The following NXPE4 variants were observed in gnomAD, a reference collection of about 807,000 sequenced individuals.
NXPE4 encodes NXPE family member 4.
Under a neutral mutation model 33.3 loss-of-function variants are expected in NXPE4, and 42 were observed. The ratio of observed to expected loss-of-function variants is 1.26; its 90% CI spans 0.98 to 1.63. The LOEUF is 1.63. Ranked by LOEUF, NXPE4 falls within the 40% of genes most tolerant of loss-of-function variation. The probability of loss-of-function intolerance (pLI) is 0.00; values close to 1 mark genes in which losing one functional copy is unlikely to be tolerated. For synonymous variants in NXPE4, 253 were observed against 234.9 expected (o/e 1.08, Z -0.71); for missense variants, 709 against 647.6 (o/e 1.09, Z -1.03).
the NXPE4 span, among the ~76,000 whole-genome samples, chr11:114,677,260 C>T: frequency 2.0e-5 from 3 of 151,998 alleles, no homozygotes; most frequent in Non-Finnish European, 4.4e-5. Context: ...TGCAAAGAGA[C>T]TAGATCTTAA....
At chr11:114,591,918 C>T (rs1045374316) in intron 2 of NXPE4, among the ~76,000 whole-genome samples, 4 of 152,132 alleles carry the variant, frequency 2.6e-5, no homozygotes, top group Non-Finnish European at 4.4e-5. Context: ...GGCCCCTTCT[C>T]ATTCAACAAA....
chr11:114,579,511 A>G (rs1182102777), intron 5 of NXPE4, among the ~76,000 whole-genome samples: 1 of 152,212 alleles, frequency 6.6e-6, no homozygotes, highest in Non-Finnish European at 1.5e-5. Context: ...CCCATGCTTT[A>G]CTTGTGTCTA....
chr11:114,583,132 CTTA>C, intron 2 of NXPE4, 111 bp from the exon 3 acceptor site: 1 of 1,212,228 alleles, frequency 8.2e-7, no homozygotes, highest in Non-Finnish European at 1.1e-6. Flanking sequence ...GTCATTTTTA[CTTA>C]TTGTGATTTT....
the NXPE4 span, among the ~76,000 whole-genome samples, chr11:114,636,206 C>T: frequency 3.3e-5 from 5 of 152,040 alleles, no homozygotes; most frequent in Admixed American, 1.3e-4. Context: ...GTGTATGTGT[C>T]GAGGAATTTA....
Position 114,594,766 on chromosome 11 carries a change from G to C in NXPE4, c.-7C>G. On this transcript the variant is annotated 5_prime_UTR_variant, in exon 2 of 6. The change creates a new upstream start codon in the 5' untranslated region. Coordinates refer to ENST00000375478, the MANE Select transcript of NXPE4 (RefSeq NM_001077639.2). The stretch of plus-strand genomic sequence containing the variant: ...TTATCATACTTATTTTCATGATTAG[G>C]ATCCTACAAGAGACAATACAAAAAC... 3 of 1,375,040 alleles carry C rather than the reference G, an allele frequency of 2.2e-6. No homozygotes were observed. Among genetic ancestry groups the C allele is most frequent in the South Asian group, 2.4e-5 (2 of 82,452 alleles). The allele number at this position is 1,375,040 out of a possible 1,614,324, so 85.2% of individuals were successfully genotyped here.
chr11:114,600,933 C>G, the NXPE4 span, among the ~76,000 whole-genome samples: 1 of 151,910 alleles, frequency 6.6e-6, no homozygotes, highest in Admixed American at 6.6e-5. Flanking sequence ...ATATAGTTCT[C>G]CATGAAATGA....
At chr11:114,615,006 AAGTGTTTCCTCGTGGGTAACC>A in the NXPE4 span, among the ~76,000 whole-genome samples, 1 of 150,332 alleles carries the variant, frequency 6.7e-6, no homozygotes, top group Non-Finnish European at 1.5e-5. Flanking sequence ...GGTTTATAAT[AAGTGTTTCCTCGTGGGTAACC>A]AGTGTTACCC....
the NXPE4 span, among the ~76,000 whole-genome samples, chr11:114,640,709 G>C: frequency 6.6e-6 from 1 of 151,904 alleles, no homozygotes; most frequent in East Asian, 1.9e-4. Context: ...GATGATTAGT[G>C]ATACTGAGTA....
chr11:114,619,655 T>C, the NXPE4 span, among the ~76,000 whole-genome samples: 1 of 151,840 alleles, frequency 6.6e-6, no homozygotes, highest in East Asian at 1.9e-4. Context: ...CTGTGGATAA[T>C]AAGTGTTGCC....
chr11:114,583,721 A>C, intron 2 of NXPE4: 1 of 549,114 alleles, frequency 1.8e-6, no homozygotes, highest in Non-Finnish European at 3.6e-6. Context: ...TAATGATACA[A>C]TCTGGGCCAC....
chr11:114,662,863 G>T, the NXPE4 span, among the ~76,000 whole-genome samples: 3 of 152,138 alleles, frequency 2.0e-5, no homozygotes, highest in African/African-American at 7.2e-5. Context: ...CCTGCTATCT[G>T]CAGAGCACTT....
rs112731981 is a variant in NXPE4 at position 114,582,504 on chromosome 11, G to A, written c.614C>T (p.Thr205Ile). The A allele has an allele frequency of 3.3e-4, 528 of 1,614,160 alleles. 2 individuals carry two copies. The African/African-American group carries it at 6.1e-3, about 19-fold the overall frequency. The change falls in exon 3 of 6, where the codon ACT (threonine) becomes ATT (isoleucine). Residue 205 changes from threonine to isoleucine, a missense_variant. By Grantham distance (89) the Thr-to-Ile change is moderately conservative (BLOSUM62 -1). Transcript: ENST00000375478. Reference sequence around the variant, plus strand: ...GGAAGTGCCATTGACAAACTGGCCAGTGAAGATCACCCTGTCATAGCCTTG... The same window carrying A: ...GGAAGTGCCATTGACAAACTGGCCAATGAAGATCACCCTGTCATAGCCTTG... Reference protein sequence around the residue: ...RNQGYDRVIFTGQFVNGTSQV... With the variant: ...RNQGYDRVIFIGQFVNGTSQV...
At chr11:114,608,578 C>G in the NXPE4 span, among the ~76,000 whole-genome samples, 4 of 150,172 alleles carry the variant, frequency 2.7e-5, no homozygotes, top group Admixed American at 2.7e-4. Flanking sequence ...CACTGATACC[C>G]ACTGGATAAT....
At chr11:114,621,497 T>G in the NXPE4 span, among the ~76,000 whole-genome samples, 1 of 152,152 alleles carries the variant, frequency 6.6e-6, no homozygotes, top group Non-Finnish European at 1.5e-5. Flanking sequence ...TATTACTCAT[T>G]GGAAAATAAG....
the NXPE4 span, among the ~76,000 whole-genome samples, chr11:114,642,671 C>T: frequency 6.6e-6 from 1 of 152,074 alleles, no homozygotes; most frequent in African/African-American, 2.4e-5. Context: ...TATTGATGGA[C>T]ATTTGGGTTG....
At chr11:114,603,017 C>A in the NXPE4 span, among the ~76,000 whole-genome samples, 8 of 150,590 alleles carry the variant, frequency 5.3e-5, no homozygotes, top group African/African-American at 1.9e-4. Context: ...TATAATAATT[C>A]TCTCATATAT....
chr11:114,581,054 T>C (rs568864138), intron 4 of NXPE4, among the ~76,000 whole-genome samples: 8 of 152,332 alleles, frequency 5.3e-5, no homozygotes, highest in Non-Finnish European at 1.0e-4. Flanking sequence ...TACATCTAGG[T>C]ACATATTTAC....
intron 2 of NXPE4, among the ~76,000 whole-genome samples, chr11:114,591,573 C>A (rs766200286): frequency 2.6e-5 from 4 of 152,112 alleles, no homozygotes; most frequent in Admixed American, 6.6e-5. Context: ...AATTAAGCCT[C>A]AGTACTCCCC....
At chr11:114,602,994 T>G in the NXPE4 span, among the ~76,000 whole-genome samples, 2 of 150,924 alleles carry the variant, frequency 1.3e-5, no homozygotes, top group African/African-American at 4.9e-5. Context: ...TCATATATAA[T>G]TACAGAATCA....
Sources: allele counts gnomAD v4.1 joint callset (sites outside exome capture counted in the v4.1 genomes callset), GRCh38; gene constraint gnomAD v4.1.1; transcripts MANE v1.5; gene names NCBI Gene and HGNC (gene_info 2026-07-23, HGNC 2026-07-21).